The following RORB variants were observed in gnomAD, a reference collection of about 807,000 sequenced individuals.
RORB encodes the protein RAR related orphan receptor B, also known as nuclear receptor ROR-beta.
A neutral mutation model predicts 59.1 loss-of-function variants in RORB; 6 were observed. That is an observed-to-expected ratio of 0.10 (90% confidence interval 0.06 to 0.20). The LOEUF (loss-of-function observed/expected upper bound fraction) is 0.20, where lower values mean the gene tolerates loss of function less well. RORB is among the 10% of genes least tolerant of loss of function. The pLI, the probability that RORB is intolerant of heterozygous loss-of-function variation, is 1.00. For synonymous variants in RORB, 215 were observed against 204.5 expected (o/e 1.05, Z -0.44); for missense variants, 320 against 560.5 (o/e 0.57, Z 4.33).
chr9:74,559,968 G>A (rs1034694357), intron 1 of RORB, among the ~76,000 whole-genome samples: 2 of 152,136 alleles, frequency 1.3e-5, no homozygotes, highest in Non-Finnish European at 2.9e-5. Flanking sequence ...CAAACCATTT[G>A]CAAAATGTCA....
intron 1 of RORB, among the ~76,000 whole-genome samples, chr9:74,591,976 G>A (rs558572800): frequency 6.6e-6 from 1 of 152,084 alleles, no homozygotes; most frequent in South Asian, 2.1e-4. Flanking sequence ...GAGAGAGAGA[G>A]GATGATTGCT....
At chr9:74,652,816 A>C (rs1824016364) in intron 4 of RORB, among the ~76,000 whole-genome samples, 1 of 152,212 alleles carries the variant, frequency 6.6e-6, no homozygotes, top group African/African-American at 2.4e-5. Flanking sequence ...CCAACAAATA[A>C]GTTATAAATT....
At chr9:74,566,804 A>G (rs956863879) in intron 1 of RORB, among the ~76,000 whole-genome samples, 3 of 152,248 alleles carry the variant, frequency 2.0e-5, no homozygotes, top group Admixed American at 6.5e-5. Flanking sequence ...TCAAAAAAAT[A>G]AATAAATAAA....
intron 4 of RORB, among the ~76,000 whole-genome samples, chr9:74,659,372 G>A (rs924835856): frequency 6.6e-5 from 10 of 152,188 alleles, no homozygotes; most frequent in African/African-American, 9.6e-5. Flanking sequence ...TTGAAATGGC[G>A]CAACCTGAAA....
At chr9:74,511,043 C>A (rs890879778) in intron 1 of RORB, among the ~76,000 whole-genome samples, 1 of 152,122 alleles carries the variant, frequency 6.6e-6, no homozygotes, top group Non-Finnish European at 1.5e-5. Context: ...AGACTTTATA[C>A]CTAAAGACCT....
intron 1 of RORB, among the ~76,000 whole-genome samples, chr9:74,591,063 G>A (rs2118287922): frequency 6.6e-6 from 1 of 152,304 alleles, no homozygotes; most frequent in South Asian, 2.1e-4. Flanking sequence ...CCAAAGTGCT[G>A]GGATTACAGG....
intron 7 of RORB, among the ~76,000 whole-genome samples, chr9:74,666,479 A>G (rs1386637192): frequency 6.6e-6 from 1 of 151,902 alleles, no homozygotes; most frequent in Non-Finnish European, 1.5e-5. Flanking sequence ...AAGGAAAGAA[A>G]TAAGAAATAA....
chr9:74,642,767 T>G lies in RORB; in HGVS notation c.589T>G (p.Ser197Ala), dbSNP rs1262667582. 6.2e-7 allele frequency: 1 copy of G among 1,611,896 alleles called. No individual in the cohort carries two copies. Among genetic ancestry groups the G allele is most frequent in the East Asian group, 2.2e-5 (1 of 44,800 alleles). Reference protein sequence around the residue: ...TSVPNLFTYSSFNNGQLAPGI... With the variant: ...TSVPNLFTYSAFNNGQLAPGI... Reference sequence around the variant, plus strand: ...CGTACCCAACTTGTTTACCTATAGCTCTTTCAACAATGGGCAGTTAGCACC... The same window carrying G: ...CGTACCCAACTTGTTTACCTATAGCGCTTTCAACAATGGGCAGTTAGCACC... The change falls in exon 4 of 10, where the codon TCT becomes GCT. Residue 197 changes from serine to alanine, a missense_variant. Transcript: ENST00000376896.
intron 1 of RORB, among the ~76,000 whole-genome samples, chr9:74,524,003 C>CTTTTTTTTT (rs10666385): frequency 8.0e-6 from 1 of 124,286 alleles, no homozygotes; most frequent in African/African-American, 3.0e-5. Flanking sequence ...TCAACGACAC[C>CTTTTTTTTT]TTTTTTTTTT....
chr9:74,545,847 T>C (rs2118146481), intron 1 of RORB, among the ~76,000 whole-genome samples: 1 of 152,268 alleles, frequency 6.6e-6, no homozygotes, highest in African/African-American at 2.4e-5. Context: ...ATCATTGGCA[T>C]AAGCCAATAA....
chr9:74,670,516 A>G (rs937694933), intron 8 of RORB, among the ~76,000 whole-genome samples: 6 of 152,322 alleles, frequency 3.9e-5, no homozygotes, highest in Admixed American at 3.3e-4. Context: ...AAAACATACT[A>G]TCATCATTAA....
At chr9:74,622,593 C>T (rs910894411) in intron 1 of RORB, among the ~76,000 whole-genome samples, 19 of 130,430 alleles carry the variant, frequency 1.5e-4, no homozygotes, top group Non-Finnish European at 1.5e-5. Flanking sequence ...GTGATGCGAT[C>T]TCAGCTCACT....
At position 74,630,337 on chromosome 9, in the gene RORB, C is replaced by T. The variant is rs758381161; in HGVS notation, c.63C>T (p.His21=). 1.2e-6 allele frequency: 2 copies of T among 1,613,458 alleles called. No individual in the cohort carries two copies. The highest frequency in any genetic ancestry group is 1.7e-6 in the Non-Finnish European group (2 of 1,179,564). The change falls in exon 2 of 10, where the codon CAC becomes CAT. Residue 21 remains histidine (H), a synonymous_variant. Coordinates refer to ENST00000376896, the MANE Select transcript of RORB (RefSeq NM_006914.4). ...GTGGCGATAAGTCCTCTGGGATCCA[C>T]TACGGAGTCATCACATGTGAAGGCT... ...KICGDKSSGI[H]YGVITCEGCK...
chr9:74,642,869 C>T, intron 4 of RORB, 54 bp downstream of exon 4: 1 of 1,395,934 alleles, frequency 7.2e-7, no homozygotes, highest in South Asian at 1.4e-5. Flanking sequence ...TTTGAATTTA[C>T]CTTGGTCCTA....
chr9:74,549,305 A>G (rs1018919114), intron 1 of RORB, among the ~76,000 whole-genome samples: 12 of 151,866 alleles, frequency 7.9e-5, no homozygotes, highest in Non-Finnish European at 1.5e-4. Flanking sequence ...TTAGCTGGGC[A>G]TGGGAGCAGG....
At chr9:74,502,486 C>A (rs982899044) in intron 1 of RORB, among the ~76,000 whole-genome samples, 1 of 151,952 alleles carries the variant, frequency 6.6e-6, no homozygotes, top group African/African-American at 2.4e-5. Flanking sequence ...GGTTTTTAGA[C>A]CTCTCATTAC....
chr9:74,506,462 A>G lies in RORB; in HGVS notation c.7+8479A>G, dbSNP rs12683099. On this transcript the variant is annotated intron_variant, in intron 1 of 9. Transcript: ENST00000376896. ...GTGAGTTGCTGATCAGGCTGAAAAAAGTGTCCACTACAGTCCTCAGTTAAA... is the reference window on the plus strand; with the variant it reads ...GTGAGTTGCTGATCAGGCTGAAAAAGGTGTCCACTACAGTCCTCAGTTAAA... 7.8e-4 allele frequency among the ~76,000 whole-genome samples: 119 copies of G among 152,190 alleles called. 2 individuals are homozygous for G. In the East Asian group the frequency reaches 0.022, roughly 28 times the overall value.
chr9:74,591,461 T>A (rs543577089), intron 1 of RORB, among the ~76,000 whole-genome samples: 1 of 152,204 alleles, frequency 6.6e-6, no homozygotes, highest in East Asian at 1.9e-4. Context: ...ACACTGTAGT[T>A]ACAAAGAAAA....
chr9:74,668,061 G>A (rs1457466491), intron 8 of RORB, among the ~76,000 whole-genome samples, 160 bp downstream of exon 8: 2 of 152,180 alleles, frequency 1.3e-5, no homozygotes, highest in South Asian at 4.1e-4. Flanking sequence ...AAGGGAAGTA[G>A]CCTCAAGTTT....
Sources: gnomAD v4.1 joint callset for allele counts (sites outside exome capture counted in the v4.1 genomes callset) on GRCh38, gnomAD v4.1.1 for gene constraint, MANE v1.5 for transcripts, NCBI Gene and HGNC (gene_info 2026-07-23, HGNC 2026-07-21) for gene names.